The following CCDC157 variants were observed in gnomAD, a reference collection of about 807,000 sequenced individuals.
CCDC157 encodes the protein coiled-coil domain-containing protein 157.
In CCDC157, 60 loss-of-function variants were observed where a neutral mutation model predicts 70.9. The ratio of observed to expected loss-of-function variants is 0.85; its 90% CI spans 0.69 to 1.05. The LOEUF is 1.05. Ranked by LOEUF, CCDC157 falls within the 50% of genes least tolerant of loss-of-function variation. The pLI is 0.00. For synonymous variants in CCDC157, 373 were observed against 422.4 expected, an observed-to-expected ratio of 0.88 and a Z score of 1.43; for missense variants, 943 against 984.2, an observed-to-expected ratio of 0.96 and a Z score of 0.56.
In CCDC157 at chr22:30,376,774, G is replaced by T. The variant is rs542163139; in HGVS notation, c.*29G>T. On this transcript the variant is annotated 3_prime_UTR_variant, in exon 12 of 12. Coordinates refer to ENST00000338306, the MANE Select transcript of CCDC157 (RefSeq NM_001017437.5). ...GTGGCCCAGGGCTGAGGCTGGATGG[G>T]AGGTGGCTGGCAGCCCACCCACTGT... The T allele has an allele frequency of 2.5e-5, 39 of 1,588,464 alleles. No individual in the cohort carries two copies. The South Asian group carries it at 4.1e-4, about 17-fold the overall frequency.
chr22:30,377,816 C>CATTAAA lies in CCDC157; in HGVS notation c.*1072_*1073insTTAAAA. 2 of 292,210 alleles carry CATTAAA rather than the reference C, an allele frequency of 6.8e-6. No homozygotes were observed. Among genetic ancestry groups the CATTAAA allele is most frequent in the South Asian group, 3.0e-5 (1 of 32,962 alleles). The allele number at this position is 292,210 out of a possible 1,614,324, so 18.1% of individuals were successfully genotyped here. ...GTGCTCAAGTCCAGGGGAAGGACCT[C>CATTAAA]ACAGCTGAGTAGCTCTCTCAGGCGC... On this transcript the variant is annotated 3_prime_UTR_variant, in exon 12 of 12. Coordinates refer to ENST00000338306, the MANE Select transcript of CCDC157 (RefSeq NM_001017437.5).
intron 3 of CCDC157, among the ~76,000 whole-genome samples, chr22:30,368,096 C>A (rs1326375195): frequency 6.6e-6 from 1 of 152,192 alleles, no homozygotes; most frequent in Non-Finnish European, 1.5e-5. Context: ...GACGGCCAGA[C>A]AGGTAGCAAA....
upstream of CCDC157, chr22:30,357,002 A>T (rs1391269219): frequency 7.1e-6 from 3 of 425,266 alleles, no homozygotes; most frequent in Non-Finnish European, 1.2e-5. Flanking sequence ...GCGGCGTCCG[A>T]CGCCGTTGCC....
At chr22:30,360,651 C>T (rs1270121254) in intron 1 of CCDC157, among the ~76,000 whole-genome samples, 2 of 152,154 alleles carry the variant, frequency 1.3e-5, no homozygotes, top group African/African-American at 2.4e-5. Context: ...ATAGTTCATG[C>T]CTGTAATCCC....
At chr22:30,372,397 G>A in intron 7 of CCDC157, 111 bp downstream of exon 7, 1 of 1,372,374 alleles carries the variant, frequency 7.3e-7, no homozygotes, top group Non-Finnish European at 9.6e-7. Flanking sequence ...TGCTCCCTGA[G>A]ATGCCTCCAG....
intron 9 of CCDC157, chr22:30,375,181 T>G (rs1440623122): frequency 6.0e-6 from 2 of 331,380 alleles, no homozygotes; most frequent in Non-Finnish European, 1.1e-5. Flanking sequence ...ATGGTCTTGA[T>G]CTCTTGACTT....
chr22:30,362,955 C>G (rs766451921), intron 2 of CCDC157, among the ~76,000 whole-genome samples: 1 of 152,138 alleles, frequency 6.6e-6, no homozygotes, highest in Non-Finnish European at 1.5e-5. Context: ...GGGCCATGGC[C>G]TAAATGCTGC....
chr22:30,366,102 T>C lies in CCDC157; in HGVS notation c.102T>C (p.Pro34=). The part of the protein sequence containing the change: ...AIVDVFSRAG[P]VRFPSWKFPD... ...TAGACGTCTTCTCCCGCGCCGGGCC[T>C]GTGCGCTTCCCCTCCTGGAAGTTCC... The change falls in exon 3 of 12, where the codon CCT becomes CCC. Residue 34 remains proline (P), a synonymous_variant. Coordinates refer to ENST00000338306, the MANE Select transcript of CCDC157 (RefSeq NM_001017437.5). 1 of 1,612,834 alleles carries C rather than the reference T, an allele frequency of 6.2e-7. No individual in the cohort carries two copies. The highest frequency in any genetic ancestry group is 8.5e-7 in the Non-Finnish European group (1 of 1,179,982).
Position 30,378,015 on chromosome 22 carries a change from GT to G in CCDC157, c.*1272del, listed in dbSNP as rs1002929666. Reference sequence around the variant, plus strand: ...AAGAATTGGCTTCCAAGCTCCACTTGTTGGCAGAATTCCGATCCTTGCGGCT... The same window carrying G: ...AAGAATTGGCTTCCAAGCTCCACTTGTGGCAGAATTCCGATCCTTGCGGCT... On this transcript the variant is annotated 3_prime_UTR_variant, in exon 12 of 12. Coordinates refer to ENST00000338306, the MANE Select transcript of CCDC157 (RefSeq NM_001017437.5). The G allele has an allele frequency of 9.4e-5, 40 of 426,426 alleles. No individual in the cohort carries two copies. Among genetic ancestry groups the G allele is most frequent in the African/African-American group, 8.0e-4 (39 of 48,486 alleles). The allele number at this position is 426,426 out of a possible 1,614,324, so 26.4% of individuals were successfully genotyped here.
chr22:30,374,463 G>A, intron 9 of CCDC157: 1 of 476,024 alleles, frequency 2.1e-6, no homozygotes, highest in South Asian at 1.5e-5. Flanking sequence ...CCACACCATG[G>A]GACTAGTCCC....
chr22:30,369,297 C>A (rs182075227), intron 3 of CCDC157, 135 bp from the exon 4 acceptor site: 1 of 787,482 alleles, frequency 1.3e-6, no homozygotes. Flanking sequence ...GAAGCTGGCC[C>A]AGCAGAGCAT....
At position 30,372,163 on chromosome 22, in the gene CCDC157, G is replaced by C. The variant is rs1003371738; in HGVS notation, c.1212G>C (p.Gln404His). Residue 404 changes from glutamine (Q) to histidine (H), a missense_variant, in exon 7 of 12, where the codon CAG (glutamine) becomes CAC (histidine). Coordinates refer to ENST00000338306, the MANE Select transcript of CCDC157 (RefSeq NM_001017437.5). ...QVQQLEEQVQ[Q>H]LEAQVQLLVG... ...AGCAGCTGGAGGAGCAGGTGCAGCA[G>C]TTGGAGGCGCAGGTGCAGCTGTTGG... The C allele has an allele frequency of 1.9e-6, 3 of 1,570,024 alleles. No homozygotes were observed. The highest frequency in any genetic ancestry group is 1.3e-5 in the African/African-American group (1 of 74,284).
At chr22:30,362,233 C>G (rs1179386882) in intron 2 of CCDC157, 119 bp downstream of exon 2, 4 of 152,280 alleles carry the variant, frequency 2.6e-5, no homozygotes, top group African/African-American at 9.6e-5. Flanking sequence ...CCCAGGTGAC[C>G]AGGTCATACC....
chr22:30,371,807 C>G, intron 6 of CCDC157, 80 bp downstream of exon 6: 1 of 1,280,792 alleles, frequency 7.8e-7, no homozygotes, highest in South Asian at 1.2e-5. Flanking sequence ...ATCTCTGTCC[C>G]CTGAGCATCC....
intron 3 of CCDC157, among the ~76,000 whole-genome samples, chr22:30,367,993 G>A (rs1036406806): frequency 6.6e-6 from 1 of 152,232 alleles, no homozygotes; most frequent in African/African-American, 2.4e-5. Context: ...GGAGGTTGCA[G>A]TGAGCTGAGA....
chr22:30,366,534 C>T (rs1412861437), intron 3 of CCDC157: 13 of 485,592 alleles, frequency 2.7e-5, no homozygotes, highest in South Asian at 2.2e-4. Flanking sequence ...GCTGTGACCA[C>T]GGTCTCTCAG....
chr22:30,365,482 C>T (rs746013857), intron 2 of CCDC157, among the ~76,000 whole-genome samples: 3 of 152,098 alleles, frequency 2.0e-5, no homozygotes, highest in Non-Finnish European at 2.9e-5. Flanking sequence ...AATAGAGTTT[C>T]GTCCAAATCT....
At chr22:30,363,893 G>T (rs563433579) in intron 2 of CCDC157, among the ~76,000 whole-genome samples, 1 of 152,140 alleles carries the variant, frequency 6.6e-6, no homozygotes, top group South Asian at 2.1e-4. Flanking sequence ...CACCATGTTG[G>T]CCAGGCTTGA....
chr22:30,361,474 G>T (rs960409070), intron 1 of CCDC157, among the ~76,000 whole-genome samples: 1 of 152,166 alleles, frequency 6.6e-6, no homozygotes, highest in Non-Finnish European at 1.5e-5. Context: ...AGAAGGATGA[G>T]GGGAAGATGA....
Sources: gnomAD v4.1 joint callset for allele counts (sites outside exome capture counted in the v4.1 genomes callset) on GRCh38, gnomAD v4.1.1 for gene constraint, MANE v1.5 for transcripts, NCBI Gene and HGNC (gene_info 2026-07-23, HGNC 2026-07-21) for gene names.